Variants in NMNAT3 observed in about 807,000 individuals in gnomAD.
The protein encoded by NMNAT3 is nicotinamide/nicotinic acid mononucleotide adenylyltransferase 3.
A neutral mutation model predicts 24.8 loss-of-function variants in NMNAT3; 21 were observed. The observed-to-expected ratio is 0.85, with a 90% CI of 0.60 to 1.22. NMNAT3 has a LOEUF of 1.22. Among genes scored for constraint, NMNAT3 ranks in the 50% most tolerant of loss-of-function variants. The pLI, the probability that NMNAT3 is intolerant of heterozygous loss-of-function variation, is 0.00. For synonymous variants in NMNAT3, 136 were observed against 155.2 expected, an observed-to-expected ratio of 0.88 and a Z score of 0.92; for missense variants, 387 against 436.6, an observed-to-expected ratio of 0.89 and a Z score of 1.01.
chr3:139,592,319 T>G (rs1308293017), intron 3 of NMNAT3, among the ~76,000 whole-genome samples: 1 of 152,126 alleles, frequency 6.6e-6, no homozygotes, highest in Non-Finnish European at 1.5e-5. Flanking sequence ...TGGGACTATG[T>G]GAAAAGACCA....
intron 3 of NMNAT3, among the ~76,000 whole-genome samples, chr3:139,586,510 AGGCCCAGGCTCTCCTTCCTGAG>A (rs1163239199): frequency 2.0e-5 from 3 of 152,136 alleles, no homozygotes; most frequent in Non-Finnish European, 4.4e-5. Context: ...TAATCCTGGC[AGGCCCAGGCTCTCCTTCCTGAG>A]GGCTGAGGTA....
intron 3 of NMNAT3, among the ~76,000 whole-genome samples, chr3:139,592,534 G>A (rs933615279): frequency 4.6e-5 from 7 of 152,250 alleles, no homozygotes; most frequent in East Asian, 3.9e-4. Context: ...CACCAAAGTT[G>A]AAATGAAGGA....
chr3:139,632,391 G>A (rs2056336775), intron 2 of NMNAT3, among the ~76,000 whole-genome samples: 1 of 152,164 alleles, frequency 6.6e-6, no homozygotes. Flanking sequence ...ACAGGGATAT[G>A]CTGGCCTCCT....
chr3:139,662,648 T>G (rs2057452042), intron 1 of NMNAT3, among the ~76,000 whole-genome samples: 1 of 152,090 alleles, frequency 6.6e-6, no homozygotes, highest in South Asian at 2.1e-4. Context: ...ATGGAAGTAC[T>G]GAAGAATTGG....
At chr3:139,671,291 A>C (rs2057748342) in intron 1 of NMNAT3, among the ~76,000 whole-genome samples, 1 of 152,162 alleles carries the variant, frequency 6.6e-6, no homozygotes, top group Non-Finnish European at 1.5e-5. Context: ...AAGGTTTCCC[A>C]TGTGGCTAAT....
At chr3:139,653,493 T>C (rs779604813) in intron 1 of NMNAT3, among the ~76,000 whole-genome samples, 1 of 152,234 alleles carries the variant, frequency 6.6e-6, no homozygotes, top group Non-Finnish European at 1.5e-5. Context: ...GTTTATATAA[T>C]ATTTAATAAA....
At chr3:139,592,088 G>T (rs1039301371) in intron 3 of NMNAT3, among the ~76,000 whole-genome samples, 1 of 152,140 alleles carries the variant, frequency 6.6e-6, no homozygotes, top group East Asian at 1.9e-4. Flanking sequence ...TTAGAAGAAT[G>T]TATAACTAGA....
intron 1 of NMNAT3, among the ~76,000 whole-genome samples, chr3:139,675,878 T>G (rs910599583): frequency 6.6e-6 from 1 of 152,036 alleles, no homozygotes; most frequent in African/African-American, 2.4e-5. Context: ...AGGGTGGGAG[T>G]TAATATTTCT....
At chr3:139,600,423 A>C (rs1162290762) in intron 3 of NMNAT3, among the ~76,000 whole-genome samples, 2 of 151,334 alleles carry the variant, frequency 1.3e-5, no homozygotes, top group African/African-American at 4.9e-5. Flanking sequence ...CTCCTGCCTC[A>C]GCCTTCCGAG....
At chr3:139,563,013 T>C (rs1308189247) in intron 6 of NMNAT3, among the ~76,000 whole-genome samples, 1 of 152,226 alleles carries the variant, frequency 6.6e-6, no homozygotes, top group Non-Finnish European at 1.5e-5. Flanking sequence ...ATCTCAACTT[T>C]AAAATGAGGA....
chr3:139,607,303 T>C (rs1405796728), intron 3 of NMNAT3, among the ~76,000 whole-genome samples: 9 of 152,182 alleles, frequency 5.9e-5, no homozygotes, highest in Admixed American at 4.6e-4. Flanking sequence ...AAAGAGTTTA[T>C]TTTAGCCTCC....
chr3:139,652,364 T>A (rs2057083924), intron 1 of NMNAT3, among the ~76,000 whole-genome samples: 1 of 152,172 alleles, frequency 6.6e-6, no homozygotes, highest in Non-Finnish European at 1.5e-5. Flanking sequence ...TTCCAACCAT[T>A]TAAGGGGCAC....
intron 1 of NMNAT3, among the ~76,000 whole-genome samples, chr3:139,677,102 T>C (rs2057953954): frequency 6.6e-6 from 1 of 152,222 alleles, no homozygotes; most frequent in South Asian, 2.1e-4. Flanking sequence ...GTTTGCTCTG[T>C]TGTTCCCCGC....
chr3:139,580,375 G>A (rs960753279), intron 4 of NMNAT3, among the ~76,000 whole-genome samples: 1 of 152,078 alleles, frequency 6.6e-6, no homozygotes, highest in Non-Finnish European at 1.5e-5. Flanking sequence ...CACCCATCTC[G>A]GCCTCCCAAA....
intron 5 of NMNAT3, among the ~76,000 whole-genome samples, chr3:139,575,106 A>G (rs978535538): frequency 2.0e-5 from 3 of 152,200 alleles, no homozygotes; most frequent in Admixed American, 6.5e-5. Flanking sequence ...CCAGATTGTG[A>G]AAAGGGACCC....
intron 4 of NMNAT3, among the ~76,000 whole-genome samples, chr3:139,580,286 C>T (rs951845479): frequency 2.0e-5 from 3 of 150,642 alleles, no homozygotes; most frequent in South Asian, 2.1e-4. Context: ...CCATGCCCGA[C>T]CAATTTTTAA....
At chr3:139,623,969 C>G (rs9653937) in intron 3 of NMNAT3, among the ~76,000 whole-genome samples, 2 of 152,032 alleles carry the variant, frequency 1.3e-5, no homozygotes, top group African/African-American at 4.8e-5. Context: ...CCTTGAGCCA[C>G]GATGCTATAA....
rs2291803 is a variant in NMNAT3, at chr3:139,637,954, G to A, written c.-41+9C>T. 0.25 allele frequency: 37,503 copies of A among 152,096 alleles called. 5,749 individuals are homozygous for A. The highest frequency in any genetic ancestry group is 0.46 in the East Asian group (2,395 of 5,152). 9.4% of individuals were successfully genotyped at this position (152,096 alleles called of 1,614,324 possible). A position where few individuals can be genotyped will look rare whatever the true frequency, so the allele number is the denominator to read the frequency against. On this transcript the variant is annotated intron_variant, in intron 2 of 6. Transcript: ENST00000643695. ...TGCAGAGTGGAAGGTGACTAAAAGA[G>A]ATATTTACCTTATTAATTGGGAGAC...
intron 3 of NMNAT3, chr3:139,584,073 C>A (rs994911445): frequency 7.7e-5 from 12 of 154,840 alleles, no homozygotes; most frequent in Non-Finnish European, 1.1e-4. Flanking sequence ...TGAAGCTTTG[C>A]TTTCTGTTTC....
Sources: gnomAD v4.1 joint callset for allele counts (sites outside exome capture counted in the v4.1 genomes callset) on GRCh38, gnomAD v4.1.1 for gene constraint, MANE v1.5 for transcripts, NCBI Gene and HGNC (gene_info 2026-07-23, HGNC 2026-07-21) for gene names.